Variants in MYO5B observed in about 807,000 individuals in gnomAD.
MYO5B encodes the protein unconventional myosin-Vb.
Under a neutral mutation model 229.3 loss-of-function variants are expected in MYO5B, and 143 were observed. The ratio of observed to expected loss-of-function variants is 0.62; its 90% CI spans 0.54 to 0.72. The LOEUF is 0.72. Ranked by LOEUF, MYO5B falls within the 30% of genes least tolerant of loss-of-function variation. MYO5B has a pLI of 0.00. For synonymous variants in MYO5B, 918 were observed against 885.2 expected (o/e 1.04, Z -0.66); for missense variants, 2,321 against 2,331.0 (o/e 1.00, Z 0.09).
intron 17 of MYO5B, among the ~76,000 whole-genome samples, chr18:49,921,054 G>C (rs4939918): frequency 0.041 from 6,167 of 152,220 alleles, 310 homozygotes; most frequent in East Asian, 0.12. Flanking sequence ...CTGTGCGTCT[G>C]TTTTAAACTC....
Position 49,864,224 on chromosome 18 carries a change from G to A in MYO5B, c.3760C>T (p.Leu1254Phe), listed in dbSNP as rs1166831769. The A allele has an allele frequency of 6.2e-7, 1 of 1,613,840 alleles. No individual in the cohort carries two copies. Among genetic ancestry groups the A allele is most frequent in the African/African-American group, 1.3e-5 (1 of 74,960 alleles). The change falls in exon 28 of 40, where the codon CTC becomes TTC. Residue 1254 changes from leucine (L) to phenylalanine (F), a missense_variant. Leu to Phe is a conservative substitution (Grantham distance 22). Around this residue, in one of 2 missense-constraint regions of MYO5B, gnomAD observed 2,113 missense variants for 2,044.7 expected, o/e 1.03. Transcript: ENST00000285039. ...AGCACCTCCTCCTTGCGCACCTCGA[G>A]CTCCTCGTGGGCCAGCTTGAGCTGG... ...LNQLKLAHEE[L>F]EVRKEEVLIL...
intron 39 of MYO5B, among the ~76,000 whole-genome samples, chr18:49,831,152 T>C (rs28851830): frequency 5.9e-5 from 9 of 152,090 alleles, no homozygotes; most frequent in Non-Finnish European, 1.2e-4. Context: ...TAACTCTGAA[T>C]GGATCAAAAA....
chr18:49,893,414 C>T (rs947145711), intron 22 of MYO5B, among the ~76,000 whole-genome samples: 16 of 152,170 alleles, frequency 1.1e-4, no homozygotes, highest in African/African-American at 3.9e-4. Context: ...TCATCTGCTC[C>T]CAAGGGTAGA....
At chr18:49,906,833 A>C (rs928131507) in intron 18 of MYO5B, among the ~76,000 whole-genome samples, 4 of 152,216 alleles carry the variant, frequency 2.6e-5, no homozygotes, top group African/African-American at 9.7e-5. Flanking sequence ...GGCAGTGAAC[A>C]AGACGCCTGC....
intron 17 of MYO5B, among the ~76,000 whole-genome samples, chr18:49,920,012 G>A (rs113858603): frequency 7.8e-4 from 119 of 152,288 alleles, no homozygotes; most frequent in African/African-American, 2.5e-3. Context: ...CGGTTGCTGC[G>A]CATGGATACA....
chr18:49,932,125 C>G (rs756629919), intron 16 of MYO5B, among the ~76,000 whole-genome samples: 7 of 152,148 alleles, frequency 4.6e-5, no homozygotes, highest in Non-Finnish European at 1.0e-4. Flanking sequence ...CATTGAGAAC[C>G]CCGTCATTCC....
chr18:49,859,266 A>G (rs1454459922), intron 29 of MYO5B, among the ~76,000 whole-genome samples: 7 of 152,236 alleles, frequency 4.6e-5, no homozygotes, highest in African/African-American at 1.7e-4. Context: ...CCAGATCTTT[A>G]ATTACTAACC....
chr18:50,082,954 C>T (rs2031252929), intron 1 of MYO5B, among the ~76,000 whole-genome samples: 1 of 152,136 alleles, frequency 6.6e-6, no homozygotes, highest in Admixed American at 6.5e-5. Context: ...CCTGGAGACC[C>T]CACAGATTAA....
intron 4 of MYO5B, among the ~76,000 whole-genome samples, chr18:50,017,199 C>A (rs112482253): frequency 0.011 from 1,599 of 152,280 alleles, 30 homozygotes; most frequent in African/African-American, 0.036. Context: ...CTCACTGCAA[C>A]CTCCACTTCC....
intron 17 of MYO5B, among the ~76,000 whole-genome samples, chr18:49,928,194 T>A (rs2025150801): frequency 6.6e-6 from 1 of 152,204 alleles, no homozygotes; most frequent in Non-Finnish European, 1.5e-5. Context: ...GGATACCACC[T>A]TACTCCTGCA....
At chr18:49,859,987 G>GGGGCGGC (rs2024309020) in intron 29 of MYO5B, among the ~76,000 whole-genome samples, 1 of 152,026 alleles carries the variant, frequency 6.6e-6, no homozygotes, top group African/African-American at 2.4e-5. Context: ...GTATTGGCGG[G>GGGGCGGC]GGGCGGCGGG....
intron 1 of MYO5B, among the ~76,000 whole-genome samples, chr18:50,116,950 A>G (rs2457966): frequency 0.98 from 149,186 of 152,282 alleles, 73,154 homozygotes; most frequent in East Asian, 1. Flanking sequence ...CATAAGACTC[A>G]CATACCCAAC....
At chr18:50,040,971 T>C (rs1038492575) in intron 2 of MYO5B, among the ~76,000 whole-genome samples, 4 of 152,204 alleles carry the variant, frequency 2.6e-5, no homozygotes, top group Admixed American at 2.6e-4. Flanking sequence ...AAAATGTTCA[T>C]TGACAGGATA....
intron 5 of MYO5B, among the ~76,000 whole-genome samples, chr18:49,999,526 A>T (rs1416226576): frequency 6.6e-6 from 1 of 152,262 alleles, no homozygotes; most frequent in Admixed American, 6.5e-5. Context: ...CCAATAAGAT[A>T]GTTCATAAAA....
rs1306140731 is a variant in MYO5B at position 49,902,640 on chromosome 18, C to G, written c.2765G>C (p.Gly922Ala). ...CAGCTGGACCACCTTGTTCTCCATGCCCACGTTGAGACGTTTCAGATGCTC... is the reference window on the plus strand; with the variant it reads ...CAGCTGGACCACCTTGTTCTCCATGGCCACGTTGAGACGTTTCAGATGCTC... ...SAEHLKRLNV[G>A]MENKVVQLQR... Residue 922 changes from glycine (G) to alanine (A), a missense_variant, in exon 21 of 40, where the codon GGC (glycine) becomes GCC (alanine). Physicochemically the swap from Gly to Ala is moderately conservative, Grantham distance 60. Transcript: ENST00000285039. 1 of 1,613,412 alleles carries G rather than the reference C, an allele frequency of 6.2e-7. No individual in the cohort carries two copies. The highest frequency in any genetic ancestry group is 8.5e-7 in the Non-Finnish European group (1 of 1,180,038).
rs148831768 is a variant in MYO5B, at chr18:49,886,549, A to G, written c.3046-6094T>C. ...AGGCAAAGGGGTTGGCTTTCTGCCCAACAGGAGGTCAAATCAGATAAAGGT... is the reference window on the plus strand; with the variant it reads ...AGGCAAAGGGGTTGGCTTTCTGCCCGACAGGAGGTCAAATCAGATAAAGGT... On this transcript the variant is annotated intron_variant, in intron 22 of 39. Coordinates refer to ENST00000285039, the MANE Select transcript of MYO5B (RefSeq NM_001080467.3). Among the ~76,000 whole-genome samples, 4 of 152,338 alleles carry G rather than the reference A, an allele frequency of 2.6e-5. No individual in the cohort carries two copies. In the East Asian group the frequency reaches 7.7e-4, roughly 29 times the overall value.
chr18:50,074,826 T>G (rs1006251816), intron 1 of MYO5B, among the ~76,000 whole-genome samples: 1 of 152,036 alleles, frequency 6.6e-6, no homozygotes, highest in Non-Finnish European at 1.5e-5. Context: ...TTGGGGGTTT[T>G]TTTGTTTGTT....
chr18:49,912,231 G>A, intron 17 of MYO5B, 58 bp from the exon 18 acceptor site: 1 of 1,331,436 alleles, frequency 7.5e-7, no homozygotes, highest in Non-Finnish European at 1.1e-6. Context: ...CCACACAAAA[G>A]CCAGGCGTGA....
chr18:50,186,421 T>C (rs2033150207), intron 1 of MYO5B, among the ~76,000 whole-genome samples: 1 of 152,238 alleles, frequency 6.6e-6, no homozygotes, highest in Non-Finnish European at 1.5e-5. Context: ...AAAGCTATAA[T>C]AAGAGACCAG....
Sources: gnomAD v4.1 joint callset for allele counts (sites outside exome capture counted in the v4.1 genomes callset) on GRCh38, gnomAD v4.1.1 for gene constraint, gnomAD v4.1.1 regional missense constraint, MANE v1.5 for transcripts, NCBI Gene and HGNC (gene_info 2026-07-23, HGNC 2026-07-21) for gene names.